Variants in LIPE observed in about 807,000 individuals in gnomAD.
LIPE encodes hormone-sensitive lipase.
Under a neutral mutation model 88.5 loss-of-function variants are expected in LIPE, and 66 were observed. The observed-to-expected ratio is 0.75, with a 90% CI of 0.61 to 0.91. LIPE has a LOEUF of 0.91. LIPE is among the 40% of genes least tolerant of loss of function. LIPE has a pLI of 0.00. For missense variants in LIPE, 1,346 were observed against 1,434.7 expected (o/e 0.94, Z 1.00); for synonymous variants, 570 against 617.5 (o/e 0.92, Z 1.14).
Position 42,405,500 on chromosome 19 carries a change from C to T in LIPE, c.2427G>A (p.Val809=), listed in dbSNP as rs761945034. ...DQKALGMMGL[V]RRDTALLLRD... ...GGAGGAGCAGGGCTGTGTCCCGCCG[C>T]ACCAGCCCCATCATGCCGAGGGCTT... Residue 809 remains valine, a synonymous_variant, in exon 8 of 10, where the codon GTG becomes GTA. Coordinates refer to ENST00000244289, the MANE Select transcript of LIPE (RefSeq NM_005357.4). The T allele has an allele frequency of 1.1e-5, 18 of 1,614,174 alleles. No individual in the cohort carries two copies. The highest frequency in any genetic ancestry group is 1.5e-5 in the Non-Finnish European group (18 of 1,180,002).
At chr19:42,409,881 A>G (rs2040317820) in intron 2 of LIPE, among the ~76,000 whole-genome samples, 1 of 147,216 alleles carries the variant, frequency 6.8e-6, no homozygotes, top group African/African-American at 2.5e-5. Flanking sequence ...AAGCCTGGAG[A>G]TGTGGGGTGG....
chr19:42,418,616 C>G (rs540099326), intron 1 of LIPE, among the ~76,000 whole-genome samples: 29 of 151,842 alleles, frequency 1.9e-4, no homozygotes, highest in Non-Finnish European at 3.4e-4. Context: ...GAGTTCGAGA[C>G]TAGCCTGGGC....
intron 8 of LIPE, 53 bp downstream of exon 8, chr19:42,405,332 G>A: frequency 6.4e-7 from 1 of 1,572,588 alleles, no homozygotes; most frequent in Non-Finnish European, 8.7e-7. Flanking sequence ...GCTGTGCTAG[G>A]CTGTCCCTCC....
intron 1 of LIPE, chr19:42,412,454 C>T (rs1463030445): frequency 2.5e-5 from 25 of 985,894 alleles, no homozygotes; most frequent in Middle Eastern, 5.2e-4. Flanking sequence ...AACCCGGGGG[C>T]GGGGCTGGCC....
In LIPE at chr19:42,401,957, A is replaced by G. The variant is rs1416240046; in HGVS notation, c.3086T>C (p.Leu1029Pro). 1.8e-5 allele frequency: 28 copies of G among 1,557,568 alleles called. No individual in the cohort carries two copies. The highest frequency in any genetic ancestry group is 2.4e-5 in the Non-Finnish European group (28 of 1,155,152). Residue 1029 changes from leucine to proline, a missense_variant, in exon 10 of 10, where the codon CTA becomes CCA. Coordinates refer to ENST00000244289, the MANE Select transcript of LIPE (RefSeq NM_005357.4). ...VEDLPHGFLTLAALCRETRQA... is the reference protein window; with the variant it reads ...VEDLPHGFLTPAALCRETRQA... ...GCGCGTCTCGCGGCACAGCGCCGCT[A>G]GGGTCAGGAAGCCGTGCGGCAGGTC...
At chr19:42,418,892 T>G (rs950927766) in intron 1 of LIPE, among the ~76,000 whole-genome samples, 7 of 151,818 alleles carry the variant, frequency 4.6e-5, no homozygotes, top group Non-Finnish European at 8.8e-5. Flanking sequence ...GGGCAGGGAC[T>G]TTTGCCTTTT....
Position 42,401,982 on chromosome 19 carries a change from C to T in LIPE, c.3061G>A (p.Asp1021Asn). The change falls in exon 10 of 10, where the codon GAC becomes AAC. Residue 1021 changes from aspartate (D) to asparagine (N), a missense_variant. Asp to Asn is a conservative substitution (Grantham distance 23). Coordinates refer to ENST00000244289, the MANE Select transcript of LIPE (RefSeq NM_005357.4). ...AGGGTCAGGAAGCCGTGCGGCAGGT[C>T]CTCCACCACGCGCAGCGTCACCGGC... is the stretch of plus-strand genomic sequence containing the variant. Reference protein sequence around the residue: ...GQPVTLRVVEDLPHGFLTLAA... With the variant: ...GQPVTLRVVENLPHGFLTLAA... 6.4e-7 allele frequency: 1 copy of T among 1,555,794 alleles called. No homozygotes were observed. The highest frequency in any genetic ancestry group is 8.7e-7 in the Non-Finnish European group (1 of 1,152,896).
chr19:42,415,904 C>T (rs910236567), intron 1 of LIPE, among the ~76,000 whole-genome samples: 2 of 152,062 alleles, frequency 1.3e-5, no homozygotes, highest in African/African-American at 4.8e-5. Context: ...TTTCCTTAAG[C>T]CAAAGCCTAA....
At position 42,406,206 on chromosome 19, in the gene LIPE, A is replaced by C; in HGVS notation, c.2320T>G (p.Leu774Val). ...PSRLLSLMDPLLPLSVLSKCV... is the reference protein window; with the variant it reads ...PSRLLSLMDPVLPLSVLSKCV... ...TTGGAGAGCACACTGAGGGGCAGCA[A>C]GGGGTCCATGAGGCTCAGCAGGCGG... is the stretch of plus-strand genomic sequence containing the variant. The change falls in exon 7 of 10, where the codon TTG becomes GTG. Residue 774 changes from leucine to valine, a missense_variant. Physicochemically the swap from Leu to Val is conservative, Grantham distance 32. Coordinates refer to ENST00000244289, the MANE Select transcript of LIPE (RefSeq NM_005357.4). The surrounding 1 kb of genome is among the most constrained non-coding windows in gnomAD (Gnocchi z 5.7). The C allele has an allele frequency of 1.2e-6, 2 of 1,613,482 alleles. No individual in the cohort carries two copies. Among genetic ancestry groups the C allele is most frequent in the Non-Finnish European group, 1.7e-6 (2 of 1,179,568 alleles).
In LIPE at chr19:42,406,021, A is replaced by ACACACG. The variant is rs1568598174; in HGVS notation, c.2365+139_2365+140insCGTGTG. On this transcript the variant is annotated intron_variant, in intron 7 of 9. Transcript: ENST00000244289. This position sits in a 1 kb window ranked among gnomAD's most constrained non-coding sequence, Gnocchi z 5.7. ...ACACACACACACACACACACACACG[A>ACACACG]AAAAAAAGGGACAAGGAGTCTTAGA... 2.7e-4 allele frequency: 158 copies of ACACACG among 592,776 alleles called. No individual in the cohort carries two copies. In the African/African-American group the frequency reaches 3.9e-3, roughly 15 times the overall value. 36.7% of individuals were successfully genotyped at this position (592,776 alleles called of 1,614,324 possible).
intron 8 of LIPE, among the ~76,000 whole-genome samples, chr19:42,403,588 T>C (rs1406288172): frequency 6.6e-6 from 1 of 151,460 alleles, no homozygotes; most frequent in Admixed American, 6.6e-5. Context: ...GCTGGGACTA[T>C]AGGCATGTGC....
At position 42,420,960 on chromosome 19, in the gene LIPE, G is replaced by A. The variant is rs553634159; in HGVS notation, c.883+5307C>T. ...GTTGCCCAGGCTGGAGTAGAGTGGT[G>A]CGATCACAGCTCACTGCAGCCTCAA... On this transcript the variant is annotated intron_variant, in intron 1 of 9. Transcript: ENST00000244289. 2.6e-5 allele frequency among the ~76,000 whole-genome samples: 4 copies of A among 152,104 alleles called. No individual in the cohort carries two copies. The East Asian group carries it at 5.8e-4, about 22-fold the overall frequency.
At chr19:42,425,674 T>C (rs2040693779) in intron 1 of LIPE, among the ~76,000 whole-genome samples, 1 of 152,118 alleles carries the variant, frequency 6.6e-6, no homozygotes, top group Non-Finnish European at 1.5e-5. Context: ...TAGCGGGGCA[T>C]GGTGGTGCAC....
At position 42,406,406 on chromosome 19, in the gene LIPE, T is replaced by G. The variant is rs2040185800; in HGVS notation, c.2138-18A>C. 1 of 1,603,612 alleles carries G rather than the reference T, an allele frequency of 6.2e-7. No homozygotes were observed. Among genetic ancestry groups the G allele is most frequent in the Non-Finnish European group, 8.5e-7 (1 of 1,171,332 alleles). On this transcript the variant is annotated intron_variant, in intron 6 of 9. Coordinates refer to ENST00000244289, the MANE Select transcript of LIPE (RefSeq NM_005357.4). The surrounding 1 kb of genome is among the most constrained non-coding windows in gnomAD (Gnocchi z 5.7). ...TGTTGAGCCTGGTTTGGGAGAGGGG[T>G]GGTTGGTGACAACCTGGCAGGGGCA...
intron 1 of LIPE, among the ~76,000 whole-genome samples, chr19:42,411,872 G>A (rs1025270114): frequency 3.3e-5 from 5 of 152,182 alleles, no homozygotes; most frequent in Admixed American, 1.3e-4. Context: ...CTGCTTTAGC[G>A]TGCTAACCCT....
At position 42,410,686 on chromosome 19, in the gene LIPE, C is replaced by T. The variant is rs997607819; in HGVS notation, c.1040G>A (p.Gly347Glu). Residue 347 changes from glycine to glutamate, a missense_variant, in exon 2 of 10, where the codon GGG becomes GAG. Transcript: ENST00000244289. This position sits in a 1 kb window ranked among gnomAD's most constrained non-coding sequence, Gnocchi z 6.1. ...VFAGVREQAL[G>E]LEPALGRLLG... is the part of the protein sequence containing the mutation. The stretch of plus-strand genomic sequence containing the variant: ...CAGGCGGCCCAGGGCCGGCTCCAGC[C>T]CCAGCGCCTGCTCCCGTACACCGGC... 1.2e-6 allele frequency: 2 copies of T among 1,612,846 alleles called. No homozygotes were observed. Among genetic ancestry groups the T allele is most frequent in the African/African-American group, 1.3e-5 (1 of 75,032 alleles).
In LIPE at chr19:42,402,936, T is replaced by C; in HGVS notation, c.2638A>G (p.Ser880Gly). Residue 880 changes from serine (S) to glycine (G), a missense_variant, in exon 9 of 10, where the codon AGC becomes GGC. Physicochemically the swap from Ser to Gly is moderately conservative, Grantham distance 56. Transcript: ENST00000244289. Reference protein sequence around the residue: ...SLKNLTLRDLSLRGNSETSSD... With the variant: ...SLKNLTLRDLGLRGNSETSSD... ...GACGTCTCGGAGTTTCCCCTCAGGC[T>C]CAAGTCCCTCAGGGTCAGGTTCTTG... is the stretch of plus-strand genomic sequence containing the variant. The C allele has an allele frequency of 6.2e-7, 1 of 1,610,536 alleles. No individual in the cohort carries two copies. The highest frequency in any genetic ancestry group is 8.5e-7 in the Non-Finnish European group (1 of 1,179,930).
chr19:42,413,934 A>G (rs1375216316), intron 1 of LIPE, among the ~76,000 whole-genome samples: 1 of 152,166 alleles, frequency 6.6e-6, no homozygotes, highest in African/African-American at 2.4e-5. Flanking sequence ...TGGCAGACAG[A>G]TGGATAGACA....
intron 1 of LIPE, chr19:42,424,680 G>A (rs1191007622): frequency 2.2e-6 from 1 of 455,234 alleles, no homozygotes; most frequent in African/African-American, 2.0e-5. Context: ...TCTGGACCAG[G>A]GCCTCACAGA....
Sources: gnomAD v4.1 joint callset for allele counts (sites outside exome capture counted in the v4.1 genomes callset) on GRCh38, gnomAD v4.1.1 for gene constraint, Gnocchi (gnomAD v3.1) non-coding constraint, MANE v1.5 for transcripts, NCBI Gene and HGNC (gene_info 2026-07-23, HGNC 2026-07-21) for gene names.